PPFIA1: variants seen among roughly 807,000 people sequenced by gnomAD.
PPFIA1 encodes liprin-alpha-1.
A neutral mutation model predicts 149.9 loss-of-function variants in PPFIA1; 25 were observed. The ratio of observed to expected loss-of-function variants is 0.17; its 90% CI spans 0.12 to 0.23. PPFIA1 has a LOEUF of 0.23. Among genes scored for constraint, PPFIA1 ranks in the 10% least tolerant of loss-of-function variants. The probability of loss-of-function intolerance (pLI) is 1.00; values close to 1 mark genes in which losing one functional copy is unlikely to be tolerated. For synonymous variants in PPFIA1, 549 were observed against 552.8 expected, an observed-to-expected ratio of 0.99 and a Z score of 0.10; for missense variants, 1,362 against 1,506.5, an observed-to-expected ratio of 0.90 and a Z score of 1.59.
chr11:70,326,171 T>C, intron 5 of PPFIA1, 91 bp from the exon 6 acceptor site: 2 of 725,740 alleles, frequency 2.8e-6, no homozygotes, highest in South Asian at 1.9e-5. Context: ...AAGCAGTTTT[T>C]AGTTGTGTTT....
chr11:70,302,663 A>C (rs2052564629), intron 2 of PPFIA1, among the ~76,000 whole-genome samples: 1 of 152,204 alleles, frequency 6.6e-6, no homozygotes, highest in Non-Finnish European at 1.5e-5. Context: ...TTATACATTC[A>C]GCCTTAGCTG....
chr11:70,356,358 T>G, intron 19 of PPFIA1, 104 bp downstream of exon 19: 1 of 825,178 alleles, frequency 1.2e-6, no homozygotes, highest in Admixed American at 2.6e-5. Flanking sequence ...ATATATACAT[T>G]ATATTCTGAA....
At chr11:70,290,429 G>A (rs971670028) in intron 2 of PPFIA1, among the ~76,000 whole-genome samples, 16 of 152,228 alleles carry the variant, frequency 1.1e-4, no homozygotes, top group Admixed American at 4.6e-4. Flanking sequence ...TAGTGACAGT[G>A]CCTTCTTTCA....
intron 10 of PPFIA1, among the ~76,000 whole-genome samples, chr11:70,335,223 T>A (rs1485401797): frequency 6.6e-6 from 1 of 152,174 alleles, no homozygotes; most frequent in Non-Finnish European, 1.5e-5. Flanking sequence ...AAGGGGAAAT[T>A]CCTCTACCAG....
At chr11:70,288,660 C>T (rs17160762) in intron 2 of PPFIA1, among the ~76,000 whole-genome samples, 21,052 of 152,152 alleles carry the variant, frequency 0.14, 1,626 homozygotes, top group Admixed American at 0.19. Flanking sequence ...CTCCTTTGTT[C>T]ACTTTCCAGC....
Position 70,362,403 on chromosome 11 carries a change from A to G in PPFIA1, c.2780A>G (p.Asn927Ser), listed in dbSNP as rs758463797. The change falls in exon 21 of 28, where the codon AAC (asparagine) becomes AGC (serine). Residue 927 changes from asparagine to serine, a missense_variant. By Grantham distance (46) the Asn-to-Ser change is conservative. Coordinates refer to ENST00000253925, the MANE Select transcript of PPFIA1 (RefSeq NM_003626.5). ...TEIQREIGIS[N>S]PLHRLKLRLA... Reference sequence around the variant, plus strand: ...ATCCAGCGTGAGATTGGCATCAGCAACCCCCTGCACAGGCTGAAGCTGAGG... The same window carrying G: ...ATCCAGCGTGAGATTGGCATCAGCAGCCCCCTGCACAGGCTGAAGCTGAGG... 4.3e-6 allele frequency: 7 copies of G among 1,613,708 alleles called. No individual in the cohort carries two copies. Among genetic ancestry groups the G allele is most frequent in the South Asian group, 1.1e-5 (1 of 91,064 alleles).
chr11:70,339,921 C>A (rs761090718), intron 14 of PPFIA1, among the ~76,000 whole-genome samples: 2 of 152,060 alleles, frequency 1.3e-5, no homozygotes, highest in Non-Finnish European at 2.9e-5. Flanking sequence ...AAGGCTGAGG[C>A]AGAAGAATCG....
chr11:70,295,227 G>T (rs1244728959), intron 2 of PPFIA1, among the ~76,000 whole-genome samples: 2 of 138,128 alleles, frequency 1.4e-5, no homozygotes, highest in Non-Finnish European at 1.6e-5. Context: ...CTGGCCGGGC[G>T]AGGGGCTGAC....
intron 2 of PPFIA1, among the ~76,000 whole-genome samples, chr11:70,316,300 TG>T: frequency 6.6e-6 from 1 of 152,134 alleles, no homozygotes; most frequent in Non-Finnish European, 1.5e-5. Context: ...TTGAACTCCT[TG>T]CCTCAAGTAA....
At chr11:70,296,405 T>C (rs1452113989) in intron 2 of PPFIA1, among the ~76,000 whole-genome samples, 1 of 152,014 alleles carries the variant, frequency 6.6e-6, no homozygotes, top group African/African-American at 2.4e-5. Flanking sequence ...GAGCACTGAG[T>C]GAACCAGACA....
chr11:70,278,619 A>G (rs1254889565), intron 2 of PPFIA1, among the ~76,000 whole-genome samples: 2 of 152,212 alleles, frequency 1.3e-5, no homozygotes, highest in Non-Finnish European at 2.9e-5. Context: ...GTTTGTTACT[A>G]TAACTCTCCA....
chr11:70,335,762 T>C (rs968172276), intron 11 of PPFIA1, 68 bp downstream of exon 11: 8 of 1,566,402 alleles, frequency 5.1e-6, no homozygotes, highest in Middle Eastern at 1.7e-4. Flanking sequence ...CATCTGCCCC[T>C]GAGCAGGCGT....
At chr11:70,349,993 C>T in intron 16 of PPFIA1, 1 of 454,602 alleles carries the variant, frequency 2.2e-6, no homozygotes, top group Middle Eastern at 3.3e-4. Context: ...TCCACCTCCC[C>T]TCCCAGTTCC....
intron 2 of PPFIA1, among the ~76,000 whole-genome samples, chr11:70,315,869 C>T (rs573972648): frequency 1.6e-4 from 24 of 151,838 alleles, no homozygotes; most frequent in Non-Finnish European, 2.8e-4. Context: ...ACACCAACTC[C>T]CTATCTCACC....
At chr11:70,376,357 C>T (rs1042457600) in intron 24 of PPFIA1, among the ~76,000 whole-genome samples, 175 bp from the exon 25 acceptor site, 5 of 152,122 alleles carry the variant, frequency 3.3e-5, no homozygotes, top group South Asian at 4.1e-4. Flanking sequence ...GAACTCCTGA[C>T]CTCAGGTGGT....
At chr11:70,361,828 T>C (rs1406333939) in intron 19 of PPFIA1, among the ~76,000 whole-genome samples, 1 of 151,594 alleles carries the variant, frequency 6.6e-6, no homozygotes, top group Non-Finnish European at 1.5e-5. Context: ...TCTCATTATA[T>C]TGCCCAGGCT....
chr11:70,287,014 T>A (rs1217710978), intron 2 of PPFIA1, among the ~76,000 whole-genome samples: 1 of 151,586 alleles, frequency 6.6e-6, no homozygotes, highest in Non-Finnish European at 1.5e-5. Context: ...CACATACATA[T>A]ATGTAATTAT....
At chr11:70,296,257 G>A (rs1368181507) in intron 2 of PPFIA1, among the ~76,000 whole-genome samples, 10 of 152,148 alleles carry the variant, frequency 6.6e-5, no homozygotes, top group East Asian at 3.9e-4. Context: ...AGGCAGAGAC[G>A]CTCCTCACTT....
intron 2 of PPFIA1, among the ~76,000 whole-genome samples, chr11:70,277,036 A>T (rs2050422848): frequency 1.5e-5 from 1 of 66,322 alleles, no homozygotes; most frequent in Non-Finnish European, 2.5e-5. Flanking sequence ...TGTTTGATTG[A>T]GATATATATA....
Sources: allele counts gnomAD v4.1 joint callset (sites outside exome capture counted in the v4.1 genomes callset), GRCh38; gene constraint gnomAD v4.1.1; transcripts MANE v1.5; gene names NCBI Gene and HGNC (gene_info 2026-07-23, HGNC 2026-07-21).